HERC3: variants seen among roughly 807,000 people sequenced by gnomAD.
The protein encoded by HERC3 is probable E3 ubiquitin-protein ligase HERC3.
HERC3 carries 58 observed loss-of-function variants against 129.9 expected under a neutral mutation model. The observed-to-expected ratio is 0.45, with a 90% CI of 0.36 to 0.56. HERC3 has a LOEUF of 0.56. HERC3 is among the 20% of genes least tolerant of loss of function. The probability of loss-of-function intolerance (pLI) is 0.00; values close to 1 mark genes in which losing one functional copy is unlikely to be tolerated. For missense variants in HERC3, 835 were observed against 1,244.2 expected, an observed-to-expected ratio of 0.67 and a Z score of 4.95; for synonymous variants, 430 against 451.0, an observed-to-expected ratio of 0.95 and a Z score of 0.59.
intron 3 of HERC3, among the ~76,000 whole-genome samples, chr4:88,637,381 G>C (rs908033102): frequency 6.6e-6 from 1 of 152,102 alleles, no homozygotes; most frequent in Non-Finnish European, 1.5e-5. Flanking sequence ...AGCCGAGATC[G>C]CGCCACTGCA....
At chr4:88,580,638 G>A in the HERC3 span, among the ~76,000 whole-genome samples, 1 of 152,132 alleles carries the variant, frequency 6.6e-6, no homozygotes, top group Admixed American at 6.5e-5. Context: ...CTTATATGAG[G>A]GTTTGATTTT....
chr4:88,686,656 T>C, intron 21 of HERC3, 80 bp from the exon 22 acceptor site: 4 of 883,688 alleles, frequency 4.5e-6, no homozygotes, highest in Non-Finnish European at 7.6e-6. Context: ...GGAAATGGTC[T>C]GGACATGTAA....
At chr4:88,532,125 C>A in the HERC3 span, among the ~76,000 whole-genome samples, 28 of 151,716 alleles carry the variant, frequency 1.8e-4, no homozygotes, top group African/African-American at 6.8e-4. Context: ...ATATGTAAAT[C>A]ACTTAGAATA....
the HERC3 span, among the ~76,000 whole-genome samples, chr4:88,570,178 A>G: frequency 6.6e-6 from 1 of 152,202 alleles, no homozygotes; most frequent in Non-Finnish European, 1.5e-5. Flanking sequence ...ATTGGCATGC[A>G]TAGTATGAGG....
At chr4:88,666,683 T>C (rs2860259) in intron 12 of HERC3, among the ~76,000 whole-genome samples, 19,911 of 152,210 alleles carry the variant, frequency 0.13, 2,597 homozygotes, top group African/African-American at 0.32. Flanking sequence ...AAATGTGGTA[T>C]GTTCAAGAGC....
At chr4:88,675,790 A>G (rs1578293259) in intron 16 of HERC3, among the ~76,000 whole-genome samples, 1 of 151,612 alleles carries the variant, frequency 6.6e-6, no homozygotes, top group South Asian at 2.1e-4. Context: ...TCCTAAGAGT[A>G]GCAGCCTGTG....
intron 16 of HERC3, among the ~76,000 whole-genome samples, chr4:88,675,879 C>A (rs893127720): frequency 3.9e-5 from 6 of 152,096 alleles, no homozygotes; most frequent in Non-Finnish European, 8.8e-5. Flanking sequence ...CTTTACCCAA[C>A]AAAAATTAAC....
chr4:88,707,134 T>C lies in HERC3; in HGVS notation c.*174T>C. ...ATTGTATAGCAGTAAACAACCTTTT[T>C]GAAAAATTAGAGGTTGGGGATGGGG... On this transcript the variant is annotated 3_prime_UTR_variant, in exon 26 of 26. Coordinates refer to ENST00000402738, the MANE Select transcript of HERC3 (RefSeq NM_014606.3). 1 of 620,222 alleles carries C rather than the reference T, an allele frequency of 1.6e-6. No homozygotes were observed. 38.4% of individuals were successfully genotyped at this position (620,222 alleles called of 1,614,324 possible). A position where few individuals can be genotyped will look rare whatever the true frequency, so the allele number is the denominator to read the frequency against.
chr4:88,685,809 G>A (rs1306899929), intron 21 of HERC3, among the ~76,000 whole-genome samples: 1 of 151,992 alleles, frequency 6.6e-6, no homozygotes, highest in Non-Finnish European at 1.5e-5. Flanking sequence ...GTGAAAAAAA[G>A]TAAAGATGTG....
intron 14 of HERC3, among the ~76,000 whole-genome samples, chr4:88,668,984 A>G (rs1731328990): frequency 6.6e-6 from 1 of 152,226 alleles, no homozygotes; most frequent in South Asian, 2.1e-4. Context: ...AGAGGTGGCA[A>G]TATCAGAAGA....
At chr4:88,546,797 G>A in the HERC3 span, among the ~76,000 whole-genome samples, 1 of 152,118 alleles carries the variant, frequency 6.6e-6, no homozygotes, top group East Asian at 1.9e-4. Context: ...ATTGGGCATT[G>A]TTAATCCCAG....
chr4:88,567,963 T>C, the HERC3 span, among the ~76,000 whole-genome samples: 3 of 152,234 alleles, frequency 2.0e-5, no homozygotes, highest in Non-Finnish European at 4.4e-5. Context: ...AAATTGATTG[T>C]TGAGAACTAA....
At chr4:88,688,012 G>T (rs912170606) in intron 23 of HERC3, among the ~76,000 whole-genome samples, 6 of 152,186 alleles carry the variant, frequency 3.9e-5, no homozygotes, top group East Asian at 1.9e-4. Context: ...GGTATAGAGG[G>T]TGAATAACTT....
At chr4:88,624,500 T>C (rs964143446) in intron 3 of HERC3, among the ~76,000 whole-genome samples, 4 of 152,220 alleles carry the variant, frequency 2.6e-5, no homozygotes, top group Non-Finnish European at 5.9e-5. Context: ...CTTGTGCTTA[T>C]TTTTGCCATT....
chr4:88,654,216 G>T, intron 7 of HERC3, 83 bp downstream of exon 7: 2 of 924,598 alleles, frequency 2.2e-6, no homozygotes, highest in South Asian at 1.4e-5. Context: ...TGTAGTGATG[G>T]TGTGTGATTA....
intron 21 of HERC3, chr4:88,685,020 A>C (rs1733259132): frequency 6.6e-6 from 1 of 152,266 alleles, no homozygotes. Flanking sequence ...TCATTAAAGA[A>C]ATGCAAATCA....
chr4:88,699,606 C>T (rs1448163512), intron 23 of HERC3, among the ~76,000 whole-genome samples: 1 of 151,530 alleles, frequency 6.6e-6, no homozygotes, highest in African/African-American at 2.4e-5. Flanking sequence ...AATCATCTTA[C>T]TGCATGTATC....
In HERC3 at chr4:88,655,920, A is replaced by T. The variant is rs765315774; in HGVS notation, c.954A>T (p.Ala318=). 6.2e-6 allele frequency: 10 copies of T among 1,613,930 alleles called. No homozygotes were observed. The Admixed American group carries it at 1.7e-4, about 27-fold the overall frequency. The change falls in exon 9 of 26, where the codon GCA becomes GCT. Residue 318 remains alanine (A), a synonymous_variant. Coordinates refer to ENST00000402738, the MANE Select transcript of HERC3 (RefSeq NM_014606.3). ...AFVPSSGLIY[A]FGCGARGQLG... Reference sequence around the variant, plus strand: ...TGCCTTCTTCTGGACTCATCTATGCATTTGGTTGTGGAGCAAGAGGTCAAT... The same window carrying T: ...TGCCTTCTTCTGGACTCATCTATGCTTTTGGTTGTGGAGCAAGAGGTCAAT...
intron 16 of HERC3, among the ~76,000 whole-genome samples, chr4:88,674,862 T>C (rs917240674): frequency 3.3e-5 from 5 of 152,192 alleles, no homozygotes; most frequent in Non-Finnish European, 7.4e-5. Flanking sequence ...CCAAGATCCC[T>C]GGAGGAACCT....
Sources: gnomAD v4.1 joint callset for allele counts (sites outside exome capture counted in the v4.1 genomes callset) on GRCh38, gnomAD v4.1.1 for gene constraint, MANE v1.5 for transcripts, NCBI Gene and HGNC (gene_info 2026-07-23, HGNC 2026-07-21) for gene names.